Variants in OXLD1 observed in about 807,000 individuals in gnomAD.
OXLD1 encodes the protein oxidoreductase-like domain-containing protein 1.
OXLD1 carries 4 observed loss-of-function variants against 3.1 expected under a neutral mutation model. The observed-to-expected ratio is 1.28, with a 90% CI of 0.63 to 2.92. The LOEUF is 2.92. Ranked by LOEUF, OXLD1 falls within the 30% of genes most tolerant of loss-of-function variation. The pLI, the probability that OXLD1 is intolerant of heterozygous loss-of-function variation, is 0.01. For missense variants in OXLD1, 240 were observed against 204.6 expected, an observed-to-expected ratio of 1.17 and a Z score of -1.05; for synonymous variants, 100 against 87.0, an observed-to-expected ratio of 1.15 and a Z score of -0.83.
At position 81,665,116 on chromosome 17, in the gene OXLD1, A is replaced by C; in HGVS notation, c.*85T>G. 2.1e-6 allele frequency: 3 copies of C among 1,437,932 alleles called. No individual in the cohort carries two copies. The highest frequency in any genetic ancestry group is 2.8e-6 in the Non-Finnish European group (3 of 1,068,682). The allele number at this position is 1,437,932 out of a possible 1,614,324, so 89.1% of individuals were successfully genotyped here. On this transcript the variant is annotated 3_prime_UTR_variant, in exon 2 of 2. Transcript: ENST00000374741. ...ATTCTTCCTATTCCCGTTGGACACA[A>C]GGAGTCTGTGAGGGGGTGTGAAGGA...
At chr17:81,665,804 A>T (rs191466539) in intron 1 of OXLD1, 1 of 588,184 alleles carries the variant, frequency 1.7e-6, no homozygotes, top group African/African-American at 1.9e-5. Context: ...GATTCACAAG[A>T]AGTGCCAGGA....
chr17:81,666,353 G>T, intron 1 of OXLD1, 165 bp downstream of exon 1: 1 of 748,392 alleles, frequency 1.3e-6, no homozygotes, highest in Non-Finnish European at 2.1e-6. Flanking sequence ...GCCGATGGAG[G>T]AGAGGAGCGA....
At position 81,665,446 on chromosome 17, in the gene OXLD1, G is replaced by C. The variant is rs1330209892; in HGVS notation, c.199C>G (p.Gln67Glu). 2.5e-6 allele frequency: 4 copies of C among 1,613,502 alleles called. No individual in the cohort carries two copies. The East Asian group carries it at 6.7e-5, about 27-fold the overall frequency. The change falls in exon 2 of 2, where the codon CAA becomes GAA. Residue 67 changes from glutamine (Q) to glutamate (E), a missense_variant. Coordinates refer to ENST00000374741, the MANE Select transcript of OXLD1 (RefSeq NM_001039842.3). ...FGTDHVEVGS[Q>E]AGADGTRPPK... ...GGCCTGGTGCCGTCCGCACCTGCTT[G>C]GGAGCCCACCTCTACGTGGTCTGTC...
At chr17:81,666,274 C>T (rs2036614945) in intron 1 of OXLD1, 2 of 490,824 alleles carry the variant, frequency 4.1e-6, no homozygotes, top group African/African-American at 2.0e-5. Context: ...AGTGGCCGTT[C>T]ACCGGGCTGC....
At chr17:81,665,701 T>A (rs1249600765) in intron 1 of OXLD1, 117 bp from the exon 2 acceptor site, 22 of 1,209,000 alleles carry the variant, frequency 1.8e-5, no homozygotes, top group Middle Eastern at 2.6e-4. Flanking sequence ...TGTCCTCAGC[T>A]TTTTCACTTC....
intron 1 of OXLD1, 141 bp downstream of exon 1, chr17:81,666,377 G>A (rs948960806): frequency 4.0e-6 from 4 of 988,290 alleles, no homozygotes; most frequent in Admixed American, 3.0e-5. Context: ...GTCCTTCGGC[G>A]GCGGCCAGCG....
rs769923473 is a variant in OXLD1 at position 81,665,590 on chromosome 17, G to C, written c.61-6C>G. ...CTGGAGAACCGGCGAGCCCCCTGAG[G>C]ATGCAGACAAACATGTGACTCTCCA... On this transcript the variant is annotated splice_polypyrimidine_tract_variant and splice_region_variant and intron_variant, in intron 1 of 1. Coordinates refer to ENST00000374741, the MANE Select transcript of OXLD1 (RefSeq NM_001039842.3). The C allele has an allele frequency of 6.4e-7, 1 of 1,571,636 alleles. No homozygotes were observed. Among genetic ancestry groups the C allele is most frequent in the Non-Finnish European group, 8.6e-7 (1 of 1,156,162 alleles).
intron 1 of OXLD1, chr17:81,666,227 C>T (rs2036612935): frequency 2.1e-6 from 1 of 484,994 alleles, no homozygotes; most frequent in African/African-American, 2.0e-5. Flanking sequence ...CAGGAGGGCT[C>T]GCACACAGGC....
intron 1 of OXLD1, 154 bp from the exon 2 acceptor site, chr17:81,665,738 C>T: frequency 2.4e-6 from 2 of 833,214 alleles, no homozygotes; most frequent in Non-Finnish European, 3.6e-6. Context: ...GTTATTTCAC[C>T]TCTCTAGACT....
rs1322023616 is a variant in OXLD1 at position 81,665,879 on chromosome 17, T to C, written c.61-295A>G. ...GGGGGTGGGGGAGGCACTCGACACC[T>C]CCAGCTAAGATGGCTGCTCTGTGGA... On this transcript the variant is annotated intron_variant, in intron 1 of 1. Transcript: ENST00000374741. 3 of 473,202 alleles carry C rather than the reference T, an allele frequency of 6.3e-6. No individual in the cohort carries two copies. The East Asian group carries it at 1.1e-4, about 17-fold the overall frequency. The allele number at this position is 473,202 out of a possible 1,614,324, so 29.3% of individuals were successfully genotyped here. A position where few individuals can be genotyped will look rare whatever the true frequency, so the allele number is the denominator to read the frequency against.
intron 1 of OXLD1, chr17:81,666,223 G>A (rs962915518): frequency 2.1e-6 from 1 of 484,684 alleles, no homozygotes; most frequent in Non-Finnish European, 3.7e-6. Context: ...AGCCCAGGAG[G>A]GCTCGCACAC....
In OXLD1 at chr17:81,665,355, T is replaced by C. The variant is rs768342748; in HGVS notation, c.290A>G (p.Asn97Ser). ...PTNCCMSGCPNCVWVEYADRL... is the reference protein window; with the variant it reads ...PTNCCMSGCPSCVWVEYADRL... ...GTCCGCGTACTCCACCCACACGCAG[T>C]TGGGGCAGCCACTCATGCAGCAGTT... The change falls in exon 2 of 2, where the codon AAC (asparagine) becomes AGC (serine). Residue 97 changes from asparagine (N) to serine (S), a missense_variant. Transcript: ENST00000374741. The C allele has an allele frequency of 1.9e-6, 3 of 1,613,458 alleles. No homozygotes were observed. The highest frequency in any genetic ancestry group is 1.1e-5 in the South Asian group (1 of 91,078).
intron 1 of OXLD1, 169 bp downstream of exon 1, chr17:81,666,349 G>A (rs2036617633): frequency 2.8e-6 from 2 of 715,944 alleles, no homozygotes; most frequent in East Asian, 3.4e-5. Flanking sequence ...AAGAGCCGAT[G>A]GAGGAGAGGA....
Position 81,665,218 on chromosome 17 carries a change from T to G in OXLD1, c.427A>C (p.Thr143Pro). ...GGGATGGCTCAGCCTCCGCACCTGG[T>G]GTGCAGCCGGATCTCCATCCTGAGG... ...AFLRMEIRLH[T>P]RCGG The change falls in exon 2 of 2, where the codon ACC (threonine) becomes CCC (proline). Residue 143 changes from threonine to proline, a missense_variant. Thr to Pro is a conservative substitution (Grantham distance 38). Coordinates refer to ENST00000374741, the MANE Select transcript of OXLD1 (RefSeq NM_001039842.3). 6.2e-7 allele frequency: 1 copy of G among 1,611,464 alleles called. No individual in the cohort carries two copies. Among genetic ancestry groups the G allele is most frequent in the Non-Finnish European group, 8.5e-7 (1 of 1,178,678 alleles).
chr17:81,665,262 T>A lies in OXLD1; in HGVS notation c.383A>T (p.Asp128Val). 6.2e-7 allele frequency: 1 copy of A among 1,613,490 alleles called. No individual in the cohort carries two copies. Among genetic ancestry groups the A allele is most frequent in the Non-Finnish European group, 8.5e-7 (1 of 1,179,988 alleles). ...CCTGAGGAAGGCCTTGAGGTTCTCA[T>A]CAGCCACGTGCTCCTCCAGGGCAGC... ...ALAALEEHVA[D>V]ENLKAFLRME... The change falls in exon 2 of 2, where the codon GAT becomes GTT. Residue 128 changes from aspartate to valine, a missense_variant. Transcript: ENST00000374741.
intron 1 of OXLD1, 46 bp downstream of exon 1, chr17:81,666,472 C>T: frequency 3.3e-6 from 5 of 1,524,408 alleles, no homozygotes; most frequent in Non-Finnish European, 4.4e-6. Flanking sequence ...ACAGCGGCCT[C>T]TCGGACGTGC....
chr17:81,665,352 C>T lies in OXLD1; in HGVS notation c.293G>A (p.Cys98Tyr). Residue 98 changes from cysteine to tyrosine, a missense_variant, in exon 2 of 2, where the codon TGC becomes TAC. Physicochemically the swap from Cys to Tyr is radical, Grantham distance 194. Coordinates refer to ENST00000374741, the MANE Select transcript of OXLD1 (RefSeq NM_001039842.3). ...TNCCMSGCPN[C>Y]VWVEYADRLL... ...CCTGTCCGCGTACTCCACCCACACG[C>T]AGTTGGGGCAGCCACTCATGCAGCA... is the stretch of plus-strand genomic sequence containing the variant. 6.2e-7 allele frequency: 1 copy of T among 1,613,484 alleles called. No individual in the cohort carries two copies. The highest frequency in any genetic ancestry group is 1.3e-5 in the African/African-American group (1 of 75,072).
At chr17:81,666,343 G>T in intron 1 of OXLD1, 175 bp downstream of exon 1, 1 of 691,412 alleles carries the variant, frequency 1.4e-6, no homozygotes, top group Non-Finnish European at 2.2e-6. Context: ...CTCGGTAAGA[G>T]CCGATGGAGG....
intron 1 of OXLD1, chr17:81,665,939 C>T (rs1253172403): frequency 2.6e-6 from 1 of 380,198 alleles, no homozygotes; most frequent in Non-Finnish European, 4.7e-6. Flanking sequence ...CTGTAAGCTC[C>T]TGGCCAGCCC....
Sources: allele counts gnomAD v4.1 joint callset, GRCh38; gene constraint gnomAD v4.1.1; transcripts MANE v1.5; gene names NCBI Gene and HGNC (gene_info 2026-07-23, HGNC 2026-07-21).